The following RASEF variants were observed in gnomAD, a reference collection of about 807,000 sequenced individuals.
The protein encoded by RASEF is ras and EF-hand domain-containing protein.
In RASEF, 68 loss-of-function variants were observed where a neutral mutation model predicts 90.1. The observed-to-expected ratio is 0.75, with a 90% confidence interval of 0.62 to 0.92. The LOEUF is 0.92. Among genes scored for constraint, RASEF ranks in the 40% least tolerant of loss-of-function variants. The probability of loss-of-function intolerance (pLI) is 0.00; values close to 1 mark genes in which losing one functional copy is unlikely to be tolerated. For missense variants in RASEF, 949 were observed against 937.2 expected (o/e 1.01, Z -0.16); for synonymous variants, 331 against 345.2 (o/e 0.96, Z 0.46).
chr9:83,042,916 C>A (rs564635683), intron 1 of RASEF, among the ~76,000 whole-genome samples: 2 of 152,172 alleles, frequency 1.3e-5, no homozygotes, highest in Non-Finnish European at 2.9e-5. Flanking sequence ...CATTTGGCAG[C>A]CTGACGGCAA....
chr9:83,111,841 T>C, the RASEF span, among the ~76,000 whole-genome samples: 1 of 152,004 alleles, frequency 6.6e-6, no homozygotes, highest in African/African-American at 2.4e-5. Flanking sequence ...AGGAGATTAA[T>C]AAATAACAAA....
the RASEF span, among the ~76,000 whole-genome samples, chr9:83,096,720 T>C: frequency 6.6e-6 from 1 of 152,126 alleles, no homozygotes; most frequent in African/African-American, 2.4e-5. Flanking sequence ...CATGTTGGTA[T>C]GCTGCACCCA....
chr9:83,191,959 A>C, the RASEF span, among the ~76,000 whole-genome samples: 1 of 152,194 alleles, frequency 6.6e-6, no homozygotes, highest in Non-Finnish European at 1.5e-5. Flanking sequence ...CTCAGTAGAG[A>C]GCTTTAGATG....
chr9:83,047,907 G>A (rs1185214967), intron 1 of RASEF, among the ~76,000 whole-genome samples: 1 of 152,186 alleles, frequency 6.6e-6, no homozygotes, highest in Non-Finnish European at 1.5e-5. Flanking sequence ...TTCACAGGTT[G>A]CACACTGGAA....
At chr9:83,048,427 T>A (rs1399972713) in intron 1 of RASEF, 1 of 985,164 alleles carries the variant, frequency 1.0e-6, no homozygotes, top group Non-Finnish European at 1.2e-6. Flanking sequence ...ACTGATGTCA[T>A]CACCTTCTGA....
chr9:83,016,037 T>G (rs954944210), intron 3 of RASEF, 137 bp from the exon 4 acceptor site: 1 of 650,866 alleles, frequency 1.5e-6, no homozygotes, highest in African/African-American at 1.8e-5. Context: ...AGAAAGGATA[T>G]CAGAAGGAAA....
At chr9:83,145,341 A>G in the RASEF span, among the ~76,000 whole-genome samples, 226 of 152,286 alleles carry the variant, frequency 1.5e-3, 1 homozygote, top group Middle Eastern at 0.034. Context: ...TTACTATACC[A>G]CTTAAGAGAA....
the RASEF span, among the ~76,000 whole-genome samples, chr9:83,213,093 TAAA>T: frequency 0.13 from 19,222 of 145,824 alleles, 1,411 homozygotes; most frequent in East Asian, 0.19. Context: ...GCACACGTTT[TAAA>T]AAAAAAAAAA....
chr9:83,134,047 A>G, the RASEF span, among the ~76,000 whole-genome samples: 10 of 152,180 alleles, frequency 6.6e-5, no homozygotes, highest in Non-Finnish European at 1.3e-4. Flanking sequence ...AACATTAACA[A>G]TATAGGTATG....
At chr9:83,067,018 C>A (rs1042303653), upstream of RASEF, among the ~76,000 whole-genome samples, 1 of 152,146 alleles carries the variant, frequency 6.6e-6, no homozygotes, top group African/African-American at 2.4e-5. Flanking sequence ...GCCCAACTTC[C>A]CATAACGGGA....
At chr9:83,006,840 T>A (rs1205613393) in intron 7 of RASEF, among the ~76,000 whole-genome samples, 2 of 152,052 alleles carry the variant, frequency 1.3e-5, no homozygotes, top group Non-Finnish European at 2.9e-5. Context: ...ATGCCTGTCA[T>A]CCCAGCACTT....
In RASEF at chr9:83,000,171, A is replaced by T. The variant is rs773119570; in HGVS notation, c.1721T>A (p.Leu574Gln). 1 of 1,612,804 alleles carries T rather than the reference A, an allele frequency of 6.2e-7. No individual in the cohort carries two copies. Reference sequence around the variant, plus strand: ...ATCAACCGAAATACGAGCCATACCCAGGGTGGCGCTTATATTTTCTCGAAA... The same window carrying T: ...ATCAACCGAAATACGAGCCATACCCTGGGTGGCGCTTATATTTTCTCGAAA... ...NEFRENISAT[L>Q]GVDFQMKTLI... is the part of the protein sequence containing the mutation. Residue 574 changes from leucine (L) to glutamine (Q), a missense_variant and splice_region_variant, in exon 12 of 17, where the codon CTG becomes CAG. Leu to Gln is a moderately radical substitution (Grantham distance 113, BLOSUM62 -2). Coordinates refer to ENST00000376447, the MANE Select transcript of RASEF (RefSeq NM_152573.4).
chr9:82,997,569 C>T (rs973238455), intron 13 of RASEF, among the ~76,000 whole-genome samples: 8 of 152,098 alleles, frequency 5.3e-5, no homozygotes, highest in Non-Finnish European at 7.3e-5. Flanking sequence ...CAGTGTGGAA[C>T]GCTGTAACAT....
At chr9:83,043,853 A>G (rs1303364029) in intron 1 of RASEF, among the ~76,000 whole-genome samples, 1 of 152,154 alleles carries the variant, frequency 6.6e-6, no homozygotes, top group African/African-American at 2.4e-5. Context: ...TAAAATGCAG[A>G]TGCTTCAGTG....
chr9:83,207,201 G>A, the RASEF span, among the ~76,000 whole-genome samples: 6 of 143,998 alleles, frequency 4.2e-5, no homozygotes, highest in East Asian at 1.9e-4. Context: ...AGTCTATCAC[G>A]GACATTCTGC....
At chr9:83,101,481 G>T in the RASEF span, among the ~76,000 whole-genome samples, 2 of 152,144 alleles carry the variant, frequency 1.3e-5, no homozygotes, top group East Asian at 3.8e-4. Context: ...TGCATGAGCA[G>T]GTCACTAAAG....
At chr9:83,123,305 T>C in the RASEF span, among the ~76,000 whole-genome samples, 1 of 150,272 alleles carries the variant, frequency 6.7e-6, no homozygotes, top group South Asian at 2.1e-4. Flanking sequence ...CCCAAGGTCA[T>C]GCCTATCTAT....
chr9:83,018,940 G>A (rs1383104573), intron 3 of RASEF, among the ~76,000 whole-genome samples: 1 of 152,002 alleles, frequency 6.6e-6, no homozygotes, highest in Non-Finnish European at 1.5e-5. Context: ...ATAAAGGTGT[G>A]GGAACAATTG....
At chr9:83,140,928 A>C in the RASEF span, among the ~76,000 whole-genome samples, 2 of 152,144 alleles carry the variant, frequency 1.3e-5, no homozygotes, top group Non-Finnish European at 2.9e-5. Flanking sequence ...AGATAACCTT[A>C]GGTCAGGAGT....
Sources: allele counts gnomAD v4.1 joint callset (sites outside exome capture counted in the v4.1 genomes callset), GRCh38; gene constraint gnomAD v4.1.1; transcripts MANE v1.5; gene names NCBI Gene and HGNC (gene_info 2026-07-23, HGNC 2026-07-21).